The following ESF1 variants were observed in gnomAD, a reference collection of about 807,000 sequenced individuals.
ESF1 encodes the protein ESF1 homolog.
ESF1 carries 58 observed loss-of-function variants against 92.0 expected under a neutral mutation model. The observed-to-expected ratio is 0.63, with a 90% CI of 0.51 to 0.78. ESF1 has a LOEUF of 0.78. Among genes scored for constraint, ESF1 ranks in the 30% least tolerant of loss-of-function variants. ESF1 has a pLI of 0.00. For missense variants in ESF1, 922 were observed against 989.1 expected, an observed-to-expected ratio of 0.93 and a Z score of 0.91; for synonymous variants, 321 against 313.7, an observed-to-expected ratio of 1.02 and a Z score of -0.24.
chr20:13,736,853 AT>A (rs967407204), intron 9 of ESF1, among the ~76,000 whole-genome samples: 3 of 151,614 alleles, frequency 2.0e-5, no homozygotes, highest in South Asian at 4.2e-4. Flanking sequence ...ACAGTCTGTA[AT>A]TTTTTTTTGC....
intron 2 of ESF1, 87 bp downstream of exon 2, chr20:13,782,417 T>G: frequency 1.8e-6 from 2 of 1,132,704 alleles, no homozygotes; most frequent in Non-Finnish European, 2.4e-6. Context: ...ACTATGAAAA[T>G]ACTTATTAAT....
intron 9 of ESF1, among the ~76,000 whole-genome samples, chr20:13,758,928 G>GT (rs1979026393): frequency 6.6e-6 from 1 of 152,120 alleles, no homozygotes. Context: ...CCTATAGCTA[G>GT]TATGTTTTTT....
intron 9 of ESF1, among the ~76,000 whole-genome samples, chr20:13,748,869 G>C (rs1978460842): frequency 6.6e-6 from 1 of 151,914 alleles, no homozygotes; most frequent in Non-Finnish European, 1.5e-5. Flanking sequence ...TTAAAGGCGT[G>C]AGCCACCATG....
At chr20:13,742,926 T>C (rs920169571) in intron 9 of ESF1, among the ~76,000 whole-genome samples, 1 of 152,198 alleles carries the variant, frequency 6.6e-6, no homozygotes, top group Admixed American at 6.5e-5. Context: ...TCTGTCTCTA[T>C]AGATTTCCCT....
intron 1 of ESF1, among the ~76,000 whole-genome samples, chr20:13,784,571 C>G (rs1251221529): frequency 1.3e-5 from 2 of 152,240 alleles, no homozygotes; most frequent in African/African-American, 4.8e-5. Flanking sequence ...GCCCGCATCC[C>G]CGTAGCCCAC....
intron 2 of ESF1, among the ~76,000 whole-genome samples, chr20:13,778,244 T>C (rs1242676689): frequency 2.6e-5 from 4 of 152,058 alleles, no homozygotes; most frequent in African/African-American, 7.2e-5. Flanking sequence ...TTAATAAAAA[T>C]AACTAGCCAA....
At chr20:13,729,492 C>G in intron 10 of ESF1, among the ~76,000 whole-genome samples, 1 of 152,244 alleles carries the variant, frequency 6.6e-6, no homozygotes, top group South Asian at 2.1e-4. Flanking sequence ...AGGAGAAGAT[C>G]TGAAGGAGAA....
At chr20:13,784,690 AG>A (rs1823634524) in intron 1 of ESF1, 189 bp downstream of exon 1, 1 of 237,152 alleles carries the variant, frequency 4.2e-6, no homozygotes, top group Admixed American at 5.2e-5. Context: ...GACTGATTCG[AG>A]AAGCGACCCT....
At chr20:13,779,590 A>G (rs560151844) in intron 2 of ESF1, among the ~76,000 whole-genome samples, 1 of 152,336 alleles carries the variant, frequency 6.6e-6, no homozygotes, top group South Asian at 2.1e-4. Flanking sequence ...GCTGGAGTGC[A>G]GTGGCACGAT....
chr20:13,764,912 A>T (rs1283323476), intron 8 of ESF1, among the ~76,000 whole-genome samples: 1 of 146,616 alleles, frequency 6.8e-6, no homozygotes, highest in Non-Finnish European at 1.5e-5. Flanking sequence ...AATCATTTCA[A>T]ACATTAAAAA....
In ESF1 at chr20:13,714,707, A is replaced by G. The variant is rs1271620106; in HGVS notation, c.*167T>C. ...AATATACAATAAAAATTTGTCAGTCATCCACAATTAAGTACAATTATTTAT... is the reference window on the plus strand; with the variant it reads ...AATATACAATAAAAATTTGTCAGTCGTCCACAATTAAGTACAATTATTTAT... On this transcript the variant is annotated 3_prime_UTR_variant, in exon 14 of 14. Coordinates refer to ENST00000617257, the MANE Select transcript of ESF1 (RefSeq NM_001276380.2). 1.6e-6 allele frequency: 1 copy of G among 608,604 alleles called. No individual in the cohort carries two copies. The highest frequency in any genetic ancestry group is 3.3e-5 in the Admixed American group (1 of 30,034). The allele number at this position is 608,604 out of a possible 1,614,324, so 37.7% of individuals were successfully genotyped here.
chr20:13,734,132 C>T (rs550705134), intron 9 of ESF1, among the ~76,000 whole-genome samples: 2 of 152,252 alleles, frequency 1.3e-5, no homozygotes, highest in Admixed American at 1.3e-4. Context: ...AAGAAAAATA[C>T]TGTATTTAGG....
At chr20:13,732,952 A>C (rs1029568872) in intron 10 of ESF1, among the ~76,000 whole-genome samples, 2 of 151,016 alleles carry the variant, frequency 1.3e-5, no homozygotes, top group African/African-American at 4.9e-5. Flanking sequence ...ATTGAGACAG[A>C]GTCTTGCCCT....
intron 4 of ESF1, among the ~76,000 whole-genome samples, chr20:13,774,840 T>C (rs1222754212): frequency 6.6e-6 from 1 of 152,206 alleles, no homozygotes; most frequent in Non-Finnish European, 1.5e-5. Context: ...AATTAGATTT[T>C]TTCCTTAATT....
At position 13,784,863 on chromosome 20, in the gene ESF1, A is replaced by C; in HGVS notation, c.-44+17T>G. On this transcript the variant is annotated intron_variant, in intron 1 of 13. Coordinates refer to ENST00000617257, the MANE Select transcript of ESF1 (RefSeq NM_001276380.2). ...CCTTCATCTCGAGCTCTTCAACTCC[A>C]GTCCATCCCCACTCACCGTCCGCAG... The C allele has an allele frequency of 1.7e-6, 1 of 599,108 alleles. No homozygotes were observed. Among genetic ancestry groups the C allele is most frequent in the East Asian group, 2.8e-5 (1 of 35,920 alleles). 37.1% of individuals were successfully genotyped at this position (599,108 alleles called of 1,614,324 possible).
At chr20:13,753,182 C>T (rs1306537873) in intron 9 of ESF1, among the ~76,000 whole-genome samples, 3 of 152,030 alleles carry the variant, frequency 2.0e-5, no homozygotes, top group Non-Finnish European at 4.4e-5. Flanking sequence ...CAAAACAATG[C>T]CGAACATCCT....
intron 9 of ESF1, among the ~76,000 whole-genome samples, chr20:13,736,745 A>G (rs2049977811): frequency 6.6e-6 from 1 of 152,212 alleles, no homozygotes; most frequent in Admixed American, 6.5e-5. Flanking sequence ...AAAAGGACCT[A>G]TAACTCTAAA....
chr20:13,752,521 T>C (rs913415057), intron 9 of ESF1, among the ~76,000 whole-genome samples: 7 of 152,226 alleles, frequency 4.6e-5, no homozygotes, highest in African/African-American at 1.7e-4. Context: ...TTTCAAATAA[T>C]GAGCACATTG....
chr20:13,746,244 TG>T (rs2050047575), intron 9 of ESF1, among the ~76,000 whole-genome samples: 1 of 152,178 alleles, frequency 6.6e-6, no homozygotes, highest in South Asian at 2.1e-4. Context: ...GGATTACAGT[TG>T]TGAGCCACCA....
Sources: gnomAD v4.1 joint callset for allele counts (sites outside exome capture counted in the v4.1 genomes callset) on GRCh38, gnomAD v4.1.1 for gene constraint, MANE v1.5 for transcripts, NCBI Gene and HGNC (gene_info 2026-07-23, HGNC 2026-07-21) for gene names.